The following CTNNA3 variants were observed in gnomAD, a reference collection of about 807,000 sequenced individuals.
CTNNA3 encodes catenin alpha-3.
A neutral mutation model predicts 95.7 loss-of-function variants in CTNNA3; 76 were observed. The observed-to-expected ratio is 0.79, with a 90% CI of 0.66 to 0.96. The LOEUF is 0.96. CTNNA3 is among the 40% of genes least tolerant of loss of function. The probability of loss-of-function intolerance (pLI) is 0.00; values close to 1 mark genes in which losing one functional copy is unlikely to be tolerated. For synonymous variants in CTNNA3, 431 were observed against 374.4 expected (o/e 1.15, Z -1.74); for missense variants, 1,191 against 1,089.8 (o/e 1.09, Z -1.31).
chr10:66,063,985 G>T (rs1198165750), intron 15 of CTNNA3, among the ~76,000 whole-genome samples: 1 of 152,034 alleles, frequency 6.6e-6, no homozygotes, highest in African/African-American at 2.4e-5. Context: ...GTCATTGATT[G>T]TATTAGTCTA....
At chr10:67,159,268 C>T (rs1459468524) in intron 7 of CTNNA3, among the ~76,000 whole-genome samples, 3 of 152,196 alleles carry the variant, frequency 2.0e-5, no homozygotes, top group Non-Finnish European at 2.9e-5. Flanking sequence ...TTAAAAGGGA[C>T]AGGAATTGCT....
At chr10:67,626,657 G>A (rs922934495) in intron 2 of CTNNA3, among the ~76,000 whole-genome samples, 1 of 152,084 alleles carries the variant, frequency 6.6e-6, no homozygotes, top group South Asian at 2.1e-4. Context: ...TCCTCATGGA[G>A]ACTCAAAAGT....
At chr10:66,342,939 A>G (rs1438576230) in intron 12 of CTNNA3, among the ~76,000 whole-genome samples, 2 of 152,110 alleles carry the variant, frequency 1.3e-5, no homozygotes, top group African/African-American at 2.4e-5. Flanking sequence ...GAATCTTTTC[A>G]TTGTTTTATT....
intron 7 of CTNNA3, among the ~76,000 whole-genome samples, chr10:66,961,608 T>C (rs1849111884): frequency 6.6e-6 from 1 of 152,160 alleles, no homozygotes. Flanking sequence ...AGTGATTTCA[T>C]CAATACTACT....
At chr10:67,721,034 G>A (rs963755559) in intron 1 of CTNNA3, among the ~76,000 whole-genome samples, 2 of 152,108 alleles carry the variant, frequency 1.3e-5, no homozygotes, top group African/African-American at 4.8e-5. Flanking sequence ...TAGTCTGATG[G>A]GCTTCCCTTT....
intron 1 of CTNNA3, chr10:67,750,417 G>C: frequency 6.7e-7 from 1 of 1,483,940 alleles, no homozygotes. Context: ...CACATTGACT[G>C]TGCCTATGTC....
intron 5 of CTNNA3, among the ~76,000 whole-genome samples, chr10:67,514,706 GT>G (rs1839754580): frequency 7.2e-6 from 1 of 139,356 alleles, no homozygotes; most frequent in South Asian, 2.2e-4. Flanking sequence ...TTGGGTTTTT[GT>G]TTTGTTTTTG....
At chr10:67,122,336 A>G (rs979535210) in intron 7 of CTNNA3, among the ~76,000 whole-genome samples, 1 of 152,120 alleles carries the variant, frequency 6.6e-6, no homozygotes, top group African/African-American at 2.4e-5. Flanking sequence ...ACAATAACAT[A>G]ACAAAGTCTT....
At chr10:66,546,052 A>T (rs1842025498) in intron 10 of CTNNA3, among the ~76,000 whole-genome samples, 1 of 151,260 alleles carries the variant, frequency 6.6e-6, no homozygotes, top group African/African-American at 2.4e-5. Flanking sequence ...TTATACTTTC[A>T]CTCTCTTATG....
intron 12 of CTNNA3, among the ~76,000 whole-genome samples, chr10:66,321,435 CTG>C (rs1291687199): frequency 6.6e-6 from 1 of 152,044 alleles, no homozygotes; most frequent in Non-Finnish European, 1.5e-5. Context: ...AGTAACTTAA[CTG>C]TGCAATTAAA....
chr10:66,730,730 A>G (rs1848934149), intron 9 of CTNNA3, among the ~76,000 whole-genome samples: 1 of 152,200 alleles, frequency 6.6e-6, no homozygotes, highest in Admixed American at 6.5e-5. Context: ...GCACTACCAG[A>G]ATAAGACCTT....
At chr10:66,985,607 G>T (rs1850682546) in intron 7 of CTNNA3, among the ~76,000 whole-genome samples, 1 of 152,160 alleles carries the variant, frequency 6.6e-6, no homozygotes, top group Admixed American at 6.5e-5. Context: ...TGGTCTTCTG[G>T]AGTGGAAAGC....
At chr10:66,629,995 C>T (rs2132340899) in intron 9 of CTNNA3, among the ~76,000 whole-genome samples, 1 of 152,210 alleles carries the variant, frequency 6.6e-6, no homozygotes, top group South Asian at 2.1e-4. Flanking sequence ...GAGCATGATT[C>T]TCAGTTTATA....
chr10:66,390,877 C>T (rs2092928561), intron 11 of CTNNA3, among the ~76,000 whole-genome samples: 1 of 152,018 alleles, frequency 6.6e-6, no homozygotes, highest in African/African-American at 2.4e-5. Flanking sequence ...ATGTAAAGTC[C>T]CTTCTTCCTC....
intron 1 of CTNNA3, among the ~76,000 whole-genome samples, chr10:67,648,542 A>G (rs755965334): frequency 6.6e-6 from 1 of 152,174 alleles, no homozygotes; most frequent in Non-Finnish European, 1.5e-5. Flanking sequence ...GCTTAACTCT[A>G]TCACAAGCCA....
At chr10:67,247,005 G>A (rs1430023455) in intron 5 of CTNNA3, among the ~76,000 whole-genome samples, 1 of 152,060 alleles carries the variant, frequency 6.6e-6, no homozygotes, top group Non-Finnish European at 1.5e-5. Context: ...GTCAATTTCA[G>A]TAAAAAATAC....
upstream of CTNNA3, among the ~76,000 whole-genome samples, chr10:67,700,148 A>C (rs1841024537): frequency 6.6e-6 from 1 of 152,252 alleles, no homozygotes; most frequent in East Asian, 1.9e-4. Context: ...AGCCCACCAC[A>C]GCTCAAGGAG....
intron 5 of CTNNA3, among the ~76,000 whole-genome samples, chr10:67,279,578 G>A (rs540607201): frequency 7.2e-6 from 1 of 138,888 alleles, no homozygotes; most frequent in African/African-American, 2.8e-5. Flanking sequence ...TGGTAAATTG[G>A]CACTTTACAT....
chr10:65,976,593 A>G (rs1388855414), intron 16 of CTNNA3, among the ~76,000 whole-genome samples: 1 of 152,190 alleles, frequency 6.6e-6, no homozygotes, highest in Admixed American at 6.5e-5. Flanking sequence ...TTTTATAACC[A>G]AAGTAAAACA....
Sources: gnomAD v4.1 joint callset for allele counts (sites outside exome capture counted in the v4.1 genomes callset) on GRCh38, gnomAD v4.1.1 for gene constraint, MANE v1.5 for transcripts, NCBI Gene and HGNC (gene_info 2026-07-23, HGNC 2026-07-21) for gene names.